SPAG16: variants seen among roughly 807,000 people sequenced by gnomAD.
SPAG16 encodes the protein sperm-associated antigen 16 protein.
Under a neutral mutation model 80.4 loss-of-function variants are expected in SPAG16, and 86 were observed. The observed-to-expected ratio is 1.07, with a 90% CI of 0.90 to 1.28. SPAG16 has a LOEUF of 1.28. Ranked by LOEUF, SPAG16 falls within the 50% of genes most tolerant of loss-of-function variation. SPAG16 has a pLI of 0.00. For synonymous variants in SPAG16, 294 were observed against 265.9 expected, an observed-to-expected ratio of 1.11 and a Z score of -1.03; for missense variants, 870 against 765.3, an observed-to-expected ratio of 1.14 and a Z score of -1.61.
At chr2:214,136,852 T>C (rs1009234962) in intron 14 of SPAG16, among the ~76,000 whole-genome samples, 2 of 152,138 alleles carry the variant, frequency 1.3e-5, no homozygotes, top group Non-Finnish European at 2.9e-5. Context: ...AAATACTAAT[T>C]TTCCTCCTAA....
At chr2:213,328,248 C>G (rs956858981) in intron 5 of SPAG16, among the ~76,000 whole-genome samples, 2 of 152,018 alleles carry the variant, frequency 1.3e-5, no homozygotes, top group Non-Finnish European at 2.9e-5. Context: ...GTTTTGATAG[C>G]CCGCTCAGGA....
chr2:214,187,404 C>A (rs2057515006), intron 15 of SPAG16, among the ~76,000 whole-genome samples: 1 of 152,096 alleles, frequency 6.6e-6, no homozygotes, highest in African/African-American at 2.4e-5. Context: ...AAAGTAAAAT[C>A]TTGGCAAACA....
intron 10 of SPAG16, among the ~76,000 whole-genome samples, chr2:213,789,153 G>T (rs553557100): frequency 6.6e-6 from 1 of 152,000 alleles, no homozygotes; most frequent in African/African-American, 2.4e-5. Flanking sequence ...TTGAAAAATA[G>T]ATTAAAAATC....
intron 7 of SPAG16, among the ~76,000 whole-genome samples, chr2:213,356,584 G>T (rs3123639): frequency 6.6e-6 from 1 of 152,078 alleles, no homozygotes; most frequent in African/African-American, 2.4e-5. Context: ...CTATGGGATC[G>T]GTGGGGATAT....
chr2:214,382,558 G>C (rs1235320341), intron 15 of SPAG16, among the ~76,000 whole-genome samples: 1 of 152,140 alleles, frequency 6.6e-6, no homozygotes, highest in African/African-American at 2.4e-5. Context: ...GGGTGTGCTT[G>C]AAAAGATAAT....
chr2:213,945,565 T>C (rs559675010), intron 12 of SPAG16, among the ~76,000 whole-genome samples: 43 of 152,230 alleles, frequency 2.8e-4, no homozygotes, highest in African/African-American at 1.0e-3. Flanking sequence ...TTATATTTGC[T>C]GGCAGTTGAT....
At chr2:213,522,427 G>A (rs563601422) in intron 10 of SPAG16, among the ~76,000 whole-genome samples, 4 of 152,296 alleles carry the variant, frequency 2.6e-5, no homozygotes, top group East Asian at 1.9e-4. Context: ...TAAAAAGGGG[G>A]GTGGGAAGAG....
At chr2:214,141,539 C>G (rs1576332514) in intron 14 of SPAG16, among the ~76,000 whole-genome samples, 2 of 151,812 alleles carry the variant, frequency 1.3e-5, no homozygotes, top group South Asian at 2.1e-4. Context: ...TTGACCAATG[C>G]TATACTTAGG....
At chr2:214,191,727 G>GAAAAAAAAAAAAAAAAAAAAAAAAA (rs367694225) in intron 15 of SPAG16, among the ~76,000 whole-genome samples, 1 of 115,818 alleles carries the variant, frequency 8.6e-6, no homozygotes, top group Non-Finnish European at 1.8e-5. Context: ...AAAAAAAAAA[G>GAAAAAAAAAAAAAAAAAAAAAAAAA]AAAAAAAAAA....
intron 13 of SPAG16, among the ~76,000 whole-genome samples, chr2:214,106,260 A>G (rs2053378252): frequency 6.6e-6 from 1 of 152,198 alleles, no homozygotes; most frequent in South Asian, 2.1e-4. Flanking sequence ...CTAAGATAAT[A>G]TAAAAAACTA....
chr2:213,883,180 T>A (rs2076416767), intron 11 of SPAG16, among the ~76,000 whole-genome samples: 1 of 152,250 alleles, frequency 6.6e-6, no homozygotes. Flanking sequence ...CTGCATTAGT[T>A]ACATCCCAGA....
At chr2:213,530,774 G>A (rs1203938689) in intron 10 of SPAG16, among the ~76,000 whole-genome samples, 2 of 151,756 alleles carry the variant, frequency 1.3e-5, no homozygotes, top group African/African-American at 4.8e-5. Flanking sequence ...ATTCCTGTTA[G>A]TTGGATTTAA....
intron 13 of SPAG16, among the ~76,000 whole-genome samples, chr2:214,025,881 T>G (rs2048101678): frequency 6.6e-6 from 1 of 151,518 alleles, no homozygotes; most frequent in African/African-American, 2.4e-5. Context: ...ACAAAAACCT[T>G]AAATTTAATG....
chr2:213,752,856 A>G (rs2662642), intron 10 of SPAG16, among the ~76,000 whole-genome samples: 60,190 of 152,000 alleles, frequency 0.4, 12,677 homozygotes, highest in East Asian at 0.61. Context: ...AGGGAACAGT[A>G]TAGAGAGACT....
chr2:214,373,399 A>G (rs1699932865), intron 15 of SPAG16, among the ~76,000 whole-genome samples: 1 of 152,186 alleles, frequency 6.6e-6, no homozygotes, highest in African/African-American at 2.4e-5. Flanking sequence ...GTATAGTTAA[A>G]CCTTATAATG....
intron 12 of SPAG16, among the ~76,000 whole-genome samples, chr2:213,995,673 G>A (rs890417436): frequency 5.3e-5 from 8 of 152,112 alleles, no homozygotes; most frequent in Non-Finnish European, 1.0e-4. Flanking sequence ...TAGTCATCAG[G>A]AGCCCTTCCT....
chr2:213,840,918 T>C (rs1422108487), intron 10 of SPAG16, among the ~76,000 whole-genome samples: 2 of 152,208 alleles, frequency 1.3e-5, no homozygotes, highest in East Asian at 3.8e-4. Flanking sequence ...ATAAGCATTA[T>C]AAATGAATAA....
intron 10 of SPAG16, among the ~76,000 whole-genome samples, chr2:213,582,804 A>C (rs1377922882): frequency 6.6e-6 from 1 of 152,188 alleles, no homozygotes; most frequent in Non-Finnish European, 1.5e-5. Flanking sequence ...GCTATTCTGC[A>C]ATAAATAGAA....
At chr2:214,262,028 A>G (rs979921810) in intron 15 of SPAG16, among the ~76,000 whole-genome samples, 5 of 152,130 alleles carry the variant, frequency 3.3e-5, no homozygotes, top group Non-Finnish European at 5.9e-5. Context: ...TTTAGACCTT[A>G]CAGTTTAATA....
Sources: allele counts gnomAD v4.1 joint callset (sites outside exome capture counted in the v4.1 genomes callset), GRCh38; gene constraint gnomAD v4.1.1; transcripts MANE v1.5; gene names NCBI Gene and HGNC (gene_info 2026-07-23, HGNC 2026-07-21).